Variants in INSR observed in about 807,000 individuals in gnomAD.
INSR encodes IR.
In INSR, 67 loss-of-function variants were observed where a neutral mutation model predicts 142.6. That is an observed-to-expected ratio of 0.47 (90% confidence interval 0.39 to 0.58). The LOEUF is 0.58. Ranked by LOEUF, INSR falls within the 20% of genes least tolerant of loss-of-function variation. The probability of loss-of-function intolerance (pLI) is 0.00; values close to 1 mark genes in which losing one functional copy is unlikely to be tolerated. For synonymous variants in INSR, 756 were observed against 743.1 expected, an observed-to-expected ratio of 1.02 and a Z score of -0.28; for missense variants, 1,248 against 1,833.2, an observed-to-expected ratio of 0.68 and a Z score of 5.83.
chr19:7,280,195 C>T (rs1046953370), intron 1 of INSR, among the ~76,000 whole-genome samples: 5 of 151,744 alleles, frequency 3.3e-5, no homozygotes, highest in Admixed American at 2.0e-4. Context: ...ACCCGGGAGG[C>T]GGAGCTTGCA....
In INSR at chr19:7,278,115, A is replaced by T. The variant is rs1043848986; in HGVS notation, c.101-10219T>A. 4.1e-4 allele frequency among the ~76,000 whole-genome samples: 63 copies of T among 152,070 alleles called. 1 individual carries two copies. The highest frequency in any genetic ancestry group is 5.9e-4 in the Non-Finnish European group (40 of 68,014). On this transcript the variant is annotated intron_variant, in intron 1 of 21. Transcript: ENST00000302850. ...TCTCAAAAAAATTAAAAAATAAATT[A>T]AAAAATAAAAAATAAAACAACAACA...
intron 1 of INSR, among the ~76,000 whole-genome samples, chr19:7,286,349 T>G (rs1171806253): frequency 6.6e-6 from 1 of 152,070 alleles, no homozygotes; most frequent in Non-Finnish European, 1.5e-5. Context: ...TGGACATGAA[T>G]GGAATGCTTT....
chr19:7,113,617 C>T lies in INSR; in HGVS notation c.*3439G>A, dbSNP rs1474289028. 1 of 152,128 alleles carries T rather than the reference C, an allele frequency of 6.6e-6. No individual in the cohort carries two copies. Among genetic ancestry groups the T allele is most frequent in the Non-Finnish European group, 1.5e-5 (1 of 68,008 alleles). The allele number at this position is 152,128 out of a possible 1,614,324, so 9.4% of individuals were successfully genotyped here. On this transcript the variant is annotated 3_prime_UTR_variant, in exon 22 of 22. Coordinates refer to ENST00000302850, the MANE Select transcript of INSR (RefSeq NM_000208.4). ...GTGAGACATCTTTAAGAACAAGCAA[C>T]AAAAAGTGTTATCCTAAGCTGGTTT...
chr19:7,136,541 G>A (rs898996854), intron 13 of INSR, among the ~76,000 whole-genome samples: 1 of 151,914 alleles, frequency 6.6e-6, no homozygotes, highest in Non-Finnish European at 1.5e-5. Context: ...TGACTGGCCC[G>A]TGTCTCCTGT....
At chr19:7,144,674 G>A (rs909185027) in intron 11 of INSR, among the ~76,000 whole-genome samples, 4 of 151,288 alleles carry the variant, frequency 2.6e-5, no homozygotes, top group African/African-American at 9.7e-5. Context: ...AAAGTGCCAG[G>A]ATTACAGGCA....
At chr19:7,282,718 GGCTCACGC>G (rs1968238526) in intron 1 of INSR, among the ~76,000 whole-genome samples, 1 of 151,530 alleles carries the variant, frequency 6.6e-6, no homozygotes, top group Non-Finnish European at 1.5e-5. Flanking sequence ...CAGGCGCAGT[GGCTCACGC>G]CTGTAATCCC....
intron 2 of INSR, among the ~76,000 whole-genome samples, chr19:7,211,127 G>A (rs1975261431): frequency 6.6e-6 from 1 of 151,830 alleles, no homozygotes; most frequent in African/African-American, 2.4e-5. Context: ...GAGTGCAGTA[G>A]CAAGTCACAG....
At chr19:7,197,516 G>GGTGTGTGTGTGTGTGTGTGTGTGTGTGT (rs552352795) in intron 2 of INSR, among the ~76,000 whole-genome samples, 2 of 70,924 alleles carry the variant, frequency 2.8e-5, no homozygotes, top group Admixed American at 1.5e-4. Context: ...TGGGAGTGGG[G>GGTGTGTGTGTGTGTGTGTGTGTGTGTGT]GTGTGTGTGT....
intron 14 of INSR, among the ~76,000 whole-genome samples, chr19:7,129,459 G>A (rs1474084667): frequency 1.3e-5 from 2 of 151,998 alleles, no homozygotes; most frequent in Non-Finnish European, 2.9e-5. Flanking sequence ...CAAGTAGCTG[G>A]GACTACAGGC....
intron 1 of INSR, among the ~76,000 whole-genome samples, chr19:7,279,047 T>G (rs1968138953): frequency 1.3e-5 from 2 of 152,008 alleles, no homozygotes; most frequent in African/African-American, 4.8e-5. Context: ...GACAATCTCT[T>G]AAACCCAGGA....
intron 14 of INSR, among the ~76,000 whole-genome samples, chr19:7,129,809 T>C (rs1972733857): frequency 6.6e-6 from 1 of 151,644 alleles, no homozygotes. Flanking sequence ...ACAATCACAG[T>C]TCACCGCAAC....
intron 12 of INSR, 38 bp downstream of exon 12, chr19:7,142,778 C>G: frequency 6.2e-7 from 1 of 1,611,650 alleles, no homozygotes; most frequent in Non-Finnish European, 8.5e-7. Context: ...CCTTGATGTC[C>G]CACCCATGAC....
rs1032960900 is a variant in INSR at position 7,116,319 on chromosome 19, C to G, written c.*737G>C. The G allele has an allele frequency of 6.6e-6, 1 of 151,596 alleles. No individual in the cohort carries two copies. The highest frequency in any genetic ancestry group is 1.5e-5 in the Non-Finnish European group (1 of 67,910). The allele number at this position is 151,596 out of a possible 1,614,324, so 9.4% of individuals were successfully genotyped here. On this transcript the variant is annotated 3_prime_UTR_variant, in exon 22 of 22. Transcript: ENST00000302850. The stretch of plus-strand genomic sequence containing the variant: ...AAGGAAGGAGAGAGGGGGATGAGCT[C>G]GCACCCTTGAGAAGAACCTTCATGA...
intron 2 of INSR, 67 bp from the exon 3 acceptor site, chr19:7,184,704 A>G: frequency 8.6e-7 from 1 of 1,165,784 alleles, no homozygotes; most frequent in Non-Finnish European, 1.1e-6. Flanking sequence ...ATAAATAAAT[A>G]AATGGCTTTG....
chr19:7,154,753 G>A (rs1009627869), intron 9 of INSR, among the ~76,000 whole-genome samples: 3 of 151,702 alleles, frequency 2.0e-5, no homozygotes, highest in Non-Finnish European at 2.9e-5. Context: ...GCGAAACCCC[G>A]TCTCTACTCA....
intron 15 of INSR, among the ~76,000 whole-genome samples, chr19:7,128,050 T>C (rs956519225): frequency 2.0e-5 from 3 of 151,504 alleles, no homozygotes; most frequent in African/African-American, 7.3e-5. Context: ...CTGAGAAAAA[T>C]GTTTAATCAT....
At chr19:7,229,739 T>C (rs989797847) in intron 2 of INSR, among the ~76,000 whole-genome samples, 17 of 150,660 alleles carry the variant, frequency 1.1e-4, no homozygotes, top group Non-Finnish European at 1.9e-4. Flanking sequence ...GAAGAATTAC[T>C]CTGGAGGATA....
At chr19:7,176,436 A>C (rs1974136974) in intron 3 of INSR, among the ~76,000 whole-genome samples, 1 of 152,222 alleles carries the variant, frequency 6.6e-6, no homozygotes, top group Non-Finnish European at 1.5e-5. Flanking sequence ...CCCCGTCTCT[A>C]CTAAAAATAC....
At chr19:7,288,962 A>G (rs975623723) in intron 1 of INSR, among the ~76,000 whole-genome samples, 41 of 151,782 alleles carry the variant, frequency 2.7e-4, no homozygotes, top group Non-Finnish European at 5.4e-4. Flanking sequence ...AAAAAAAAAA[A>G]AAAAAAAAGT....
Sources: allele counts gnomAD v4.1 joint callset (sites outside exome capture counted in the v4.1 genomes callset), GRCh38; gene constraint gnomAD v4.1.1; transcripts MANE v1.5; gene names NCBI Gene and HGNC (gene_info 2026-07-23, HGNC 2026-07-21).